The following DAPK1 variants were observed in gnomAD, a reference collection of about 807,000 sequenced individuals.
DAPK1 encodes the protein death-associated protein kinase 1.
DAPK1 carries 56 observed loss-of-function variants against 144.9 expected under a neutral mutation model. The observed-to-expected ratio is 0.39, with a 90% CI of 0.31 to 0.48. The LOEUF is 0.48. Ranked by LOEUF, DAPK1 falls within the 20% of genes least tolerant of loss-of-function variation. The probability of loss-of-function intolerance (pLI) is 0.95; values close to 1 mark genes in which losing one functional copy is unlikely to be tolerated. For missense variants in DAPK1, 1,454 were observed against 1,875.4 expected (o/e 0.78, Z 4.15); for synonymous variants, 690 against 749.0 (o/e 0.92, Z 1.29).
intron 2 of DAPK1, among the ~76,000 whole-genome samples, chr9:87,536,876 A>C (rs1825878268): frequency 6.6e-6 from 1 of 152,084 alleles, no homozygotes; most frequent in African/African-American, 2.4e-5. Context: ...TAACCTGATT[A>C]TTTTATATTT....
intron 3 of DAPK1, among the ~76,000 whole-genome samples, chr9:87,613,272 G>A (rs1828990392): frequency 6.6e-6 from 1 of 152,232 alleles, no homozygotes; most frequent in Admixed American, 6.5e-5. Flanking sequence ...GTACAGCAGT[G>A]TTAATTCTAT....
chr9:87,677,568 C>T (rs1006096827), intron 19 of DAPK1, among the ~76,000 whole-genome samples: 1 of 152,210 alleles, frequency 6.6e-6, no homozygotes, highest in Non-Finnish European at 1.5e-5. Context: ...TGGGGGCACC[C>T]GGGATCCAGT....
In DAPK1 at chr9:87,707,952, A is replaced by G. The variant is rs150673700; in HGVS notation, c.*588A>G. The G allele has an allele frequency of 2.2e-6, 1 of 450,734 alleles. No individual in the cohort carries two copies. The highest frequency in any genetic ancestry group is 7.0e-5 in the East Asian group (1 of 14,350). The allele number at this position is 450,734 out of a possible 1,614,324, so 27.9% of individuals were successfully genotyped here. On this transcript the variant is annotated 3_prime_UTR_variant, in exon 26 of 26. Coordinates refer to ENST00000408954, the MANE Select transcript of DAPK1 (RefSeq NM_004938.4). The surrounding 1 kb of genome is among the most constrained non-coding windows in gnomAD (Gnocchi z 4.0). Reference sequence around the variant, plus strand: ...TCGGAGTCAGCCAGGAGCTGTCACCAAGGAAACGCTACCTCTCTGTCCCTT... The same window carrying G: ...TCGGAGTCAGCCAGGAGCTGTCACCGAGGAAACGCTACCTCTCTGTCCCTT...
chr9:87,621,497 C>T (rs567626109), intron 3 of DAPK1, among the ~76,000 whole-genome samples: 23 of 152,222 alleles, frequency 1.5e-4, no homozygotes, highest in Non-Finnish European at 2.6e-4. Flanking sequence ...CCCTGGCCTT[C>T]CCAGGGAGGA....
intron 19 of DAPK1, among the ~76,000 whole-genome samples, chr9:87,670,921 T>C (rs527529831): frequency 2.0e-5 from 3 of 152,284 alleles, no homozygotes; most frequent in South Asian, 4.1e-4. Context: ...CTGCTGCCCA[T>C]GCCCCCTTAG....
chr9:87,649,390 C>T (rs1050514220), intron 15 of DAPK1, among the ~76,000 whole-genome samples: 13 of 152,192 alleles, frequency 8.5e-5, no homozygotes, highest in African/African-American at 3.1e-4. Flanking sequence ...AAGTGTGGCT[C>T]TCCTAATTAC....
intron 2 of DAPK1, among the ~76,000 whole-genome samples, chr9:87,590,821 T>C (rs1229218528): frequency 6.6e-6 from 1 of 152,196 alleles, no homozygotes; most frequent in African/African-American, 2.4e-5. Context: ...ACTCCCAGGC[T>C]CAAGGAATTC....
chr9:87,674,658 C>T lies in DAPK1; in HGVS notation c.2001+5984C>T, dbSNP rs558205648. ...TGAAAAATTCACCACCTGTAAACTG[C>T]ATTTGCGTAATTAAAAGTTGCTGCA... On this transcript the variant is annotated intron_variant, in intron 19 of 25. Transcript: ENST00000408954. Among the ~76,000 whole-genome samples the T allele has an allele frequency of 2.0e-5, 3 of 152,148 alleles. No individual in the cohort carries two copies. The South Asian group carries it at 6.2e-4, about 32-fold the overall frequency.
At chr9:87,659,368 C>A (rs1295494546) in intron 18 of DAPK1, among the ~76,000 whole-genome samples, 1 of 152,162 alleles carries the variant, frequency 6.6e-6, no homozygotes, top group Admixed American at 6.5e-5. Flanking sequence ...GCCTGACTTG[C>A]TAGATCTTGT....
rs535428150 is a variant in DAPK1, at chr9:87,664,886, G to A, written c.1924-3711G>A. Among the ~76,000 whole-genome samples the A allele has an allele frequency of 1.4e-4, 22 of 152,170 alleles. No homozygotes were observed. In the South Asian group the frequency reaches 3.3e-3, roughly 23 times the overall value. ...CCCATCTCCTGTTCCGCCTCCTCCCGTCTCCCTCCACATCAGCCCCATGAG... is the reference window on the plus strand; with the variant it reads ...CCCATCTCCTGTTCCGCCTCCTCCCATCTCCCTCCACATCAGCCCCATGAG... On this transcript the variant is annotated intron_variant, in intron 18 of 25. Transcript: ENST00000408954.
intron 18 of DAPK1, 96 bp downstream of exon 18, chr9:87,658,223 T>A (rs1830701241): frequency 6.5e-6 from 4 of 619,872 alleles, no homozygotes; most frequent in Non-Finnish European, 1.2e-5. Flanking sequence ...AACTCTGCAT[T>A]CTGAAGCAGC....
At chr9:87,699,829 C>G (rs911016806) in intron 23 of DAPK1, among the ~76,000 whole-genome samples, 3 of 152,172 alleles carry the variant, frequency 2.0e-5, no homozygotes, top group Admixed American at 6.5e-5. Flanking sequence ...CTCACCTTTC[C>G]TGCCTCGGGA....
At chr9:87,663,558 G>A (rs2119247740) in intron 18 of DAPK1, among the ~76,000 whole-genome samples, 1 of 152,238 alleles carries the variant, frequency 6.6e-6, no homozygotes, top group Admixed American at 6.5e-5. Context: ...GGCACGCCCT[G>A]ACAATCCTGC....
chr9:87,697,101 T>C lies in DAPK1; in HGVS notation c.2508T>C (p.His836=). ...YFAANDPTSI[H]VVVFSLEEPY... ...CTGCAAATGATCCCACGTCAATCCA[T>C]GTTGTTGTCTTTAGTCTAGAAGAGC... Residue 836 remains histidine (H), a synonymous_variant, in exon 22 of 26, where the codon CAT becomes CAC. Transcript: ENST00000408954. 2 of 1,553,514 alleles carry C rather than the reference T, an allele frequency of 1.3e-6. No homozygotes were observed. Among genetic ancestry groups the C allele is most frequent in the Non-Finnish European group, 1.8e-6 (2 of 1,124,672 alleles).
chr9:87,609,178 A>G (rs1468313777), intron 3 of DAPK1, among the ~76,000 whole-genome samples: 6 of 152,222 alleles, frequency 3.9e-5, no homozygotes, highest in Admixed American at 3.9e-4. Context: ...AAACTGAAGC[A>G]TCAGCTCTTC....
intron 15 of DAPK1, 53 bp from the exon 16 acceptor site, chr9:87,649,868 T>C: frequency 3.8e-6 from 6 of 1,587,094 alleles, no homozygotes; most frequent in Non-Finnish European, 5.2e-6. Flanking sequence ...TGCTTTATAC[T>C]TTGTTTCTCA....
chr9:87,550,533 A>G (rs1456083665), intron 2 of DAPK1, among the ~76,000 whole-genome samples: 1 of 152,172 alleles, frequency 6.6e-6, no homozygotes, highest in Non-Finnish European at 1.5e-5. Context: ...TCTATGTCCA[A>G]ATTTCCCCCT....
At chr9:87,660,123 C>T (rs1032402705) in intron 18 of DAPK1, among the ~76,000 whole-genome samples, 2 of 152,158 alleles carry the variant, frequency 1.3e-5, no homozygotes, top group Admixed American at 6.5e-5. Flanking sequence ...CTGTTCAGGA[C>T]CGGAGCTCAG....
chr9:87,513,884 G>C (rs915504648), intron 2 of DAPK1, among the ~76,000 whole-genome samples: 1 of 152,208 alleles, frequency 6.6e-6, no homozygotes, highest in African/African-American at 2.4e-5. Context: ...GTGACAGCCT[G>C]TTCTGGATAG....
Sources: gnomAD v4.1 joint callset for allele counts (sites outside exome capture counted in the v4.1 genomes callset) on GRCh38, gnomAD v4.1.1 for gene constraint, Gnocchi (gnomAD v3.1) non-coding constraint, MANE v1.5 for transcripts, NCBI Gene and HGNC (gene_info 2026-07-23, HGNC 2026-07-21) for gene names.